The following RAB28 variants were observed in gnomAD, a reference collection of about 807,000 sequenced individuals.
RAB28 encodes the protein ras-related protein Rab-28.
Under a neutral mutation model 31.7 loss-of-function variants are expected in RAB28, and 24 were observed. That is an observed-to-expected ratio of 0.76 (90% CI 0.55 to 1.06). RAB28 has a LOEUF of 1.06. Among genes scored for constraint, RAB28 ranks in the 50% least tolerant of loss-of-function variants. RAB28 has a pLI of 0.00. For synonymous variants in RAB28, 100 were observed against 90.4 expected (o/e 1.11, Z -0.60); for missense variants, 254 against 258.5 (o/e 0.98, Z 0.12).
intron 4 of RAB28, among the ~76,000 whole-genome samples, chr4:13,391,889 A>G (rs1008345607): frequency 6.7e-6 from 1 of 148,508 alleles, no homozygotes; most frequent in Admixed American, 6.7e-5. Flanking sequence ...GGAACATCAC[A>G]CACCGGGGCC....
intron 4 of RAB28, among the ~76,000 whole-genome samples, chr4:13,415,453 T>C (rs575565545): frequency 3.8e-4 from 58 of 152,244 alleles, no homozygotes; most frequent in African/African-American, 1.3e-3. Context: ...CAGTGCAAGT[T>C]CAGGGTGAGT....
intron 4 of RAB28, among the ~76,000 whole-genome samples, chr4:13,420,980 T>G (rs1028926865): frequency 6.6e-6 from 1 of 152,224 alleles, no homozygotes; most frequent in Non-Finnish European, 1.5e-5. Flanking sequence ...TGTTTGCAGA[T>G]GACATGATTG....
chr4:13,463,844 A>C (rs1016040421), intron 3 of RAB28, among the ~76,000 whole-genome samples: 2 of 152,136 alleles, frequency 1.3e-5, no homozygotes, highest in African/African-American at 4.8e-5. Context: ...AAAAATATTA[A>C]AATATAAAAG....
chr4:13,386,123 A>C (rs1729356725), intron 4 of RAB28, among the ~76,000 whole-genome samples: 1 of 152,092 alleles, frequency 6.6e-6, no homozygotes, highest in Admixed American at 6.6e-5. Context: ...ATAAAATATT[A>C]ATATCAAGAA....
chr4:13,453,892 C>T (rs577509142), intron 4 of RAB28, among the ~76,000 whole-genome samples: 64 of 152,226 alleles, frequency 4.2e-4, no homozygotes, highest in Non-Finnish European at 8.4e-4. Flanking sequence ...AAGTTTTTGG[C>T]TATTAGTTCA....
At chr4:13,380,870 T>C (rs1343237737) in intron 5 of RAB28, among the ~76,000 whole-genome samples, 1 of 152,032 alleles carries the variant, frequency 6.6e-6, no homozygotes, top group Non-Finnish European at 1.5e-5. Flanking sequence ...TGAACATTTA[T>C]TAAATGAATT....
At chr4:13,417,616 T>A (rs1712866712) in intron 4 of RAB28, among the ~76,000 whole-genome samples, 1 of 151,962 alleles carries the variant, frequency 6.6e-6, no homozygotes, top group South Asian at 2.1e-4. Context: ...GGGTCTGGAG[T>A]GGACCTCCAG....
intron 4 of RAB28, among the ~76,000 whole-genome samples, chr4:13,450,204 C>T (rs115105144): frequency 0.015 from 2,302 of 151,730 alleles, 63 homozygotes; most frequent in African/African-American, 0.052. Context: ...AATAAAAAGT[C>T]AAAAGCTTAG....
intron 3 of RAB28, among the ~76,000 whole-genome samples, chr4:13,466,234 T>C (rs1715835500): frequency 6.6e-6 from 1 of 151,872 alleles, no homozygotes; most frequent in African/African-American, 2.4e-5. Flanking sequence ...ACTAAAAAGC[T>C]TCTGTGCAGC....
At chr4:13,431,703 C>G (rs1713814529) in intron 4 of RAB28, among the ~76,000 whole-genome samples, 1 of 152,046 alleles carries the variant, frequency 6.6e-6, no homozygotes, top group South Asian at 2.1e-4. Context: ...GAGCCTTGGT[C>G]CCCTGAAAGC....
At chr4:13,465,953 C>A (rs1454320778) in intron 3 of RAB28, among the ~76,000 whole-genome samples, 3 of 151,650 alleles carry the variant, frequency 2.0e-5, no homozygotes, top group African/African-American at 4.8e-5. Flanking sequence ...AACAACAGAG[C>A]CAGAAATACA....
chr4:13,445,075 T>C (rs1041909248), intron 4 of RAB28, among the ~76,000 whole-genome samples: 1 of 152,080 alleles, frequency 6.6e-6, no homozygotes, highest in Non-Finnish European at 1.5e-5. Flanking sequence ...TTTTGTGCAT[T>C]CCTTTTTTCT....
chr4:13,435,606 C>T (rs116438034), intron 4 of RAB28, among the ~76,000 whole-genome samples: 2,113 of 152,272 alleles, frequency 0.014, 14 homozygotes, highest in Non-Finnish European at 0.023. Flanking sequence ...CGTCCATGTG[C>T]ACAAACTAGA....
intron 4 of RAB28, among the ~76,000 whole-genome samples, chr4:13,453,295 T>C (rs1234849462): frequency 6.6e-6 from 1 of 152,194 alleles, no homozygotes; most frequent in African/African-American, 2.4e-5. Context: ...GGTGAAGACT[T>C]ATACCTGTCA....
chr4:13,370,167 A>C (rs1728667818), intron 6 of RAB28: 1 of 981,132 alleles, frequency 1.0e-6, no homozygotes, highest in Admixed American at 6.2e-5. Flanking sequence ...AAAGAAAAGG[A>C]AAGGAACAAA....
chr4:13,474,462 TACA>T, intron 2 of RAB28, 56 bp from the exon 3 acceptor site: 1 of 1,046,866 alleles, frequency 9.6e-7, no homozygotes, highest in Non-Finnish European at 1.4e-6. Flanking sequence ...TAAGTAACAA[TACA>T]ACAAGTGACA....
intron 5 of RAB28, among the ~76,000 whole-genome samples, 161 bp from the exon 6 acceptor site, chr4:13,376,783 T>C (rs1272109234): frequency 6.6e-6 from 1 of 152,102 alleles, no homozygotes; most frequent in Non-Finnish European, 1.5e-5. Flanking sequence ...TAGCAACATT[T>C]TAAATATAAT....
rs144523888 is a variant in RAB28, at chr4:13,378,738, G to A, written c.496-2116C>T. ...TAGAATAGATCCCATAGTAACCACAGAGAAGACAGAAGATATGAGAACAGA... is the reference window on the plus strand; with the variant it reads ...TAGAATAGATCCCATAGTAACCACAAAGAAGACAGAAGATATGAGAACAGA... On this transcript the variant is annotated intron_variant, in intron 5 of 6. Coordinates refer to ENST00000330852, the MANE Select transcript of RAB28 (RefSeq NM_001017979.3). Among the ~76,000 whole-genome samples, 1,443 of 152,298 alleles carry A rather than the reference G, an allele frequency of 9.5e-3. 22 individuals carry two copies. The highest frequency in any genetic ancestry group is 0.033 in the African/African-American group (1,365 of 41,574).
intron 4 of RAB28, among the ~76,000 whole-genome samples, chr4:13,416,617 C>T (rs1712796057): frequency 6.6e-6 from 1 of 152,072 alleles, no homozygotes; most frequent in Admixed American, 6.6e-5. Context: ...AAAACCAACC[C>T]ATGGAGTAAA....
Sources: allele counts gnomAD v4.1 joint callset (sites outside exome capture counted in the v4.1 genomes callset), GRCh38; gene constraint gnomAD v4.1.1; transcripts MANE v1.5; gene names NCBI Gene and HGNC (gene_info 2026-07-23, HGNC 2026-07-21).